The following TMEM131 variants were observed in gnomAD, a reference collection of about 807,000 sequenced individuals.
TMEM131 encodes the protein 2610524E03Rik.
In TMEM131, 66 loss-of-function variants were observed where a neutral mutation model predicts 211.6. The observed-to-expected ratio is 0.31, with a 90% CI of 0.26 to 0.38. The LOEUF (loss-of-function observed/expected upper bound fraction) is 0.38. Among genes scored for constraint, TMEM131 ranks in the 10% least tolerant of loss-of-function variants. The pLI is 1.00. For missense variants in TMEM131, 2,036 were observed against 2,299.3 expected, an observed-to-expected ratio of 0.89 and a Z score of 2.34; for synonymous variants, 844 against 841.3, an observed-to-expected ratio of 1.00 and a Z score of -0.06.
chr2:97,768,871 G>T (rs968698468), intron 33 of TMEM131, among the ~76,000 whole-genome samples: 4 of 151,106 alleles, frequency 2.6e-5, no homozygotes, highest in African/African-American at 9.7e-5. Flanking sequence ...GATTACAGTG[G>T]GATTACAGGT....
intron 1 of TMEM131, among the ~76,000 whole-genome samples, chr2:97,979,684 G>A (rs1267629538): frequency 2.0e-5 from 3 of 152,192 alleles, no homozygotes; most frequent in Non-Finnish European, 4.4e-5. Context: ...TGACCTAATA[G>A]AATGCTTGTG....
chr2:97,925,944 AC>A (rs1308318845), intron 2 of TMEM131, among the ~76,000 whole-genome samples: 3 of 151,872 alleles, frequency 2.0e-5, no homozygotes, highest in African/African-American at 7.3e-5. Flanking sequence ...CCCCGTCTGT[AC>A]TAAAAATACA....
At chr2:97,907,650 A>G (rs1345569749) in intron 3 of TMEM131, among the ~76,000 whole-genome samples, 2 of 152,194 alleles carry the variant, frequency 1.3e-5, no homozygotes, top group Non-Finnish European at 2.9e-5. Flanking sequence ...GTGGATAGTA[A>G]TAATTTTTAA....
At chr2:97,817,347 C>T (rs144678410) in intron 12 of TMEM131, among the ~76,000 whole-genome samples, 1 of 152,072 alleles carries the variant, frequency 6.6e-6, no homozygotes, top group African/African-American at 2.4e-5. Context: ...CAGCACTTTG[C>T]CAGGCTGAGG....
At chr2:97,797,621 T>G in intron 25 of TMEM131, 105 bp from the exon 26 acceptor site, 1 of 949,988 alleles carries the variant, frequency 1.1e-6, no homozygotes, top group South Asian at 2.1e-5. Context: ...TCAAACTGAT[T>G]AAATGCATAA....
chr2:97,859,125 T>C (rs567954145), intron 5 of TMEM131, among the ~76,000 whole-genome samples, 179 bp downstream of exon 5: 24 of 152,370 alleles, frequency 1.6e-4, no homozygotes, highest in Admixed American at 6.5e-4. Context: ...AGCTGTTGCA[T>C]GTTGAGAAAA....
chr2:97,931,000 G>C (rs552142121), intron 1 of TMEM131, among the ~76,000 whole-genome samples: 5 of 151,980 alleles, frequency 3.3e-5, no homozygotes, highest in African/African-American at 1.2e-4. Flanking sequence ...TAGCAAGAAA[G>C]TGGCTAGAGA....
intron 4 of TMEM131, among the ~76,000 whole-genome samples, chr2:97,862,745 C>A (rs866272020): frequency 4.0e-5 from 6 of 151,680 alleles, no homozygotes; most frequent in African/African-American, 1.5e-4. Flanking sequence ...TAGAAAATAG[C>A]CTCAAAAGGG....
chr2:97,829,095 C>T (rs1327716259), intron 11 of TMEM131, among the ~76,000 whole-genome samples: 1 of 152,190 alleles, frequency 6.6e-6, no homozygotes, highest in Non-Finnish European at 1.5e-5. Flanking sequence ...CTTCTTTGCC[C>T]TTATCCAGTA....
rs560680176 is a variant in TMEM131 at position 97,917,807 on chromosome 2, T to C, written c.250-9109A>G. Among the ~76,000 whole-genome samples, 43 of 152,266 alleles carry C rather than the reference T, an allele frequency of 2.8e-4. No individual in the cohort carries two copies. In the South Asian group the frequency reaches 8.9e-3, roughly 32 times the overall value. On this transcript the variant is annotated intron_variant, in intron 2 of 40. Coordinates refer to ENST00000186436, the MANE Select transcript of TMEM131 (RefSeq NM_015348.2). ...CAGCAGGTTCTAGCAAGCTTCAGTA[T>C]CCAGTTTCATCAGGTAGGTAAGGTA...
In TMEM131 at chr2:97,762,211, AAAAC is replaced by A; in HGVS notation, c.4724-15_4724-12del. On this transcript the variant is annotated splice_polypyrimidine_tract_variant and intron_variant, in intron 35 of 40. Coordinates refer to ENST00000186436, the MANE Select transcript of TMEM131 (RefSeq NM_015348.2). Reference sequence around the variant, plus strand: ...AAAGACTATCAGTAGCTGGAAATTAAAAACAAACGGGCTCGTTAGTGTGGTGTTT... The same window carrying A: ...AAAGACTATCAGTAGCTGGAAATTAAAAACGGGCTCGTTAGTGTGGTGTTT... 6.2e-7 allele frequency: 1 copy of A among 1,613,758 alleles called. No homozygotes were observed. Among genetic ancestry groups the A allele is most frequent in the Non-Finnish European group, 8.5e-7 (1 of 1,179,798 alleles).
At chr2:97,800,978 A>G (rs1681009846) in intron 25 of TMEM131, among the ~76,000 whole-genome samples, 1 of 152,244 alleles carries the variant, frequency 6.6e-6, no homozygotes, top group Non-Finnish European at 1.5e-5. Flanking sequence ...ACTACTTTGA[A>G]TATTACTTTC....
chr2:97,959,586 T>C (rs1375378236), intron 1 of TMEM131, among the ~76,000 whole-genome samples: 3 of 152,148 alleles, frequency 2.0e-5, no homozygotes, highest in Non-Finnish European at 2.9e-5. Context: ...TATCTATATA[T>C]GGTCAAACCA....
intron 12 of TMEM131, among the ~76,000 whole-genome samples, chr2:97,815,666 G>A (rs549396048): frequency 2.2e-4 from 33 of 152,196 alleles, no homozygotes; most frequent in Middle Eastern, 3.4e-3. Context: ...TCTTCGTTGC[G>A]GAGGCTGTTG....
intron 4 of TMEM131, among the ~76,000 whole-genome samples, chr2:97,884,058 G>A (rs1257231128): frequency 6.6e-6 from 1 of 151,720 alleles, no homozygotes; most frequent in Non-Finnish European, 1.5e-5. Context: ...AGGATTTATT[G>A]TTATATAAAT....
intron 31 of TMEM131, among the ~76,000 whole-genome samples, chr2:97,781,965 A>G (rs1205743902): frequency 1.3e-5 from 2 of 152,252 alleles, no homozygotes; most frequent in African/African-American, 4.8e-5. Context: ...CAAAGGCCAA[A>G]GTGGGAGCCA....
chr2:97,796,744 T>C, intron 27 of TMEM131, 100 bp downstream of exon 27: 1 of 1,204,400 alleles, frequency 8.3e-7, no homozygotes, highest in Non-Finnish European at 1.2e-6. Flanking sequence ...ATAACTAATA[T>C]ACACAGGTGC....
chr2:97,758,432 T>C (rs1318455402), intron 40 of TMEM131, among the ~76,000 whole-genome samples: 2 of 152,252 alleles, frequency 1.3e-5, no homozygotes, highest in Admixed American at 1.3e-4. Flanking sequence ...AAATGCACTC[T>C]TGAAAATCTA....
At chr2:97,907,242 T>C (rs1676112030) in intron 3 of TMEM131, 1 of 152,068 alleles carries the variant, frequency 6.6e-6, no homozygotes, top group South Asian at 2.1e-4. Flanking sequence ...TTGGGCAAGA[T>C]TCACAGACAG....
Sources: gnomAD v4.1 joint callset for allele counts (sites outside exome capture counted in the v4.1 genomes callset) on GRCh38, gnomAD v4.1.1 for gene constraint, MANE v1.5 for transcripts, NCBI Gene and HGNC (gene_info 2026-07-23, HGNC 2026-07-21) for gene names.